The following SPEM3 variants were observed in gnomAD, a reference collection of about 807,000 sequenced individuals.
The protein encoded by SPEM3 is SPEM family member 3, also known as uncharacterized protein SPEM3.
At position 7,428,861 on chromosome 17, in the gene SPEM3, G is replaced by A; in HGVS notation, c.-42G>A. On this transcript the variant is annotated 5_prime_UTR_variant, in exon 1 of 3. In the 5' UTR this introduces an upstream ATG that the reference lacks. Coordinates refer to ENST00000636696, the MANE Select transcript of SPEM3 (RefSeq NM_001364708.1). ...AACAGGAGTCTTGCTCCTAGTGACT[G>A]TGTGAGGGCCGGGGGCCTAGGCAGT... 2.5e-6 allele frequency: 1 copy of A among 398,664 alleles called. No homozygotes were observed. Among genetic ancestry groups the A allele is most frequent in the Non-Finnish European group, 4.4e-6 (1 of 226,088 alleles). The allele number at this position is 398,664 out of a possible 1,614,324, so 24.7% of individuals were successfully genotyped here.
Position 7,431,187 on chromosome 17 carries a change from T to C in SPEM3, c.2016T>C (p.Ser672=). 2.5e-6 allele frequency: 1 copy of C among 398,580 alleles called. No homozygotes were observed. Among genetic ancestry groups the C allele is most frequent in the Non-Finnish European group, 4.4e-6 (1 of 226,096 alleles). 24.7% of individuals were successfully genotyped at this position (398,580 alleles called of 1,614,324 possible). Residue 672 remains serine (S), a synonymous_variant, in exon 3 of 3, where the codon TCT becomes TCC. Coordinates refer to ENST00000636696, the MANE Select transcript of SPEM3 (RefSeq NM_001364708.1). The part of the protein sequence containing the change: ...CHESLGLTQD[S]GLQRTPGPSK... ...AGAGTCTAGGCCTTACCCAAGATTC[T>C]GGCCTTCAAAGGACCCCAGGCCCTT...
chr17:7,431,179 C>T lies in SPEM3; in HGVS notation c.2008C>T (p.Gln670Ter), dbSNP rs1907821236. ...PECHESLGLTQDSGLQRTPGP... is the reference protein window; with the variant it reads ...PECHESLGLT The stretch of plus-strand genomic sequence containing the variant: ...ATGTCATGAGAGTCTAGGCCTTACC[C>T]AAGATTCTGGCCTTCAAAGGACCCC... The change falls in exon 3 of 3, where the codon CAA becomes TAA. Residue 670 changes from glutamine to a stop codon, truncating the protein, a stop_gained. Transcript: ENST00000636696. LOFTEE classifies it low-confidence loss of function (END_TRUNC). 2 of 398,606 alleles carry T rather than the reference C, an allele frequency of 5.0e-6. No homozygotes were observed. Among genetic ancestry groups the T allele is most frequent in the East Asian group, 7.1e-5 (2 of 28,076 alleles). The allele number at this position is 398,606 out of a possible 1,614,324, so 24.7% of individuals were successfully genotyped here. A position where few individuals can be genotyped will look rare whatever the true frequency, so the allele number is the denominator to read the frequency against.
At position 7,431,815 on chromosome 17, in the gene SPEM3, T is replaced by G; in HGVS notation, c.2644T>G (p.Ser882Ala). The change falls in exon 3 of 3, where the codon TCA (serine) becomes GCA (alanine). Residue 882 changes from serine to alanine, a missense_variant. By Grantham distance (99) the Ser-to-Ala change is moderately conservative. Transcript: ENST00000636696. ...CCAAGACTCTGAAGTCAATAAGAGC[T>G]CAGGAGTTATCCAGGAATCTTTTCT... is the stretch of plus-strand genomic sequence containing the variant. ...VPQDSEVNKS[S>A]GVIQESFLHK... 5.0e-6 allele frequency: 2 copies of G among 398,564 alleles called. No homozygotes were observed. The highest frequency in any genetic ancestry group is 8.8e-6 in the Non-Finnish European group (2 of 226,066). The allele number at this position is 398,564 out of a possible 1,614,324, so 24.7% of individuals were successfully genotyped here.
Position 7,429,160 on chromosome 17 carries a change from C to T in SPEM3, c.139-30C>T, listed in dbSNP as rs563059546. On this transcript the variant is annotated intron_variant, in intron 1 of 2. Transcript: ENST00000636696. The surrounding 1 kb of genome is among the most constrained non-coding windows in gnomAD (Gnocchi z 4.9). ...TGGACTTAGGGGCTCACCCTGCTTC[C>T]GGACTCACCTGCCCTCCCACTCCCT... 82 of 398,412 alleles carry T rather than the reference C, an allele frequency of 2.1e-4. No homozygotes were observed. The highest frequency in any genetic ancestry group is 1.6e-3 in the Admixed American group (37 of 22,714). 24.7% of individuals were successfully genotyped at this position (398,412 alleles called of 1,614,324 possible).
At position 7,429,833 on chromosome 17, in the gene SPEM3, C is replaced by A; in HGVS notation, c.662C>A (p.Thr221Asn). The A allele has an allele frequency of 2.5e-6, 1 of 401,796 alleles. No individual in the cohort carries two copies. The highest frequency in any genetic ancestry group is 3.6e-5 in the East Asian group (1 of 28,082). 24.9% of individuals were successfully genotyped at this position (401,796 alleles called of 1,614,324 possible). A position where few individuals can be genotyped will look rare whatever the true frequency, so the allele number is the denominator to read the frequency against. ...VHSPTHTPVC[T>N]PTHPWTRSTD... ...TCCCCAACCCACACTCCTGTGTGCACCCCAACCCACCCCTGGACCCGCTCC... is the reference window on the plus strand; with the variant it reads ...TCCCCAACCCACACTCCTGTGTGCAACCCAACCCACCCCTGGACCCGCTCC... Residue 221 changes from threonine (T) to asparagine (N), a missense_variant, in exon 3 of 3, where the codon ACC (threonine) becomes AAC (asparagine). Physicochemically the swap from Thr to Asn is moderately conservative, Grantham distance 65. Coordinates refer to ENST00000636696, the MANE Select transcript of SPEM3 (RefSeq NM_001364708.1). This position sits in a 1 kb window ranked among gnomAD's most constrained non-coding sequence, Gnocchi z 4.9.
rs1043050032 is a variant in SPEM3 at position 7,430,722 on chromosome 17, G to A, written c.1551G>A (p.Glu517=). Residue 517 remains glutamate, a synonymous_variant, in exon 3 of 3, where the codon GAG becomes GAA. Coordinates refer to ENST00000636696, the MANE Select transcript of SPEM3 (RefSeq NM_001364708.1). The part of the protein sequence containing the change: ...LPAGSILGYL[E]LRNMEWKNSD... ...CAGGATCCATACTGGGCTACCTGGA[G>A]TTGAGGAATATGGAATGGAAGAACT... 11 of 398,550 alleles carry A rather than the reference G, an allele frequency of 2.8e-5. No individual in the cohort carries two copies. Among genetic ancestry groups the A allele is most frequent in the African/African-American group, 2.1e-4 (10 of 48,614 alleles). 24.7% of individuals were successfully genotyped at this position (398,550 alleles called of 1,614,324 possible). A position where few individuals can be genotyped will look rare whatever the true frequency, so the allele number is the denominator to read the frequency against.
chr17:7,430,544 A>C lies in SPEM3; in HGVS notation c.1373A>C (p.Gln458Pro). ...HVVYDARREK[Q>P]NFFHMSSPQN... ...GTCTATGATGCCCGCAGGGAAAAGCAGAATTTCTTCCATATGTCCAGCCCC... is the reference window on the plus strand; with the variant it reads ...GTCTATGATGCCCGCAGGGAAAAGCCGAATTTCTTCCATATGTCCAGCCCC... The change falls in exon 3 of 3, where the codon CAG (glutamine) becomes CCG (proline). Residue 458 changes from glutamine to proline, a missense_variant. Gln to Pro is a moderately conservative substitution (Grantham distance 76). Coordinates refer to ENST00000636696, the MANE Select transcript of SPEM3 (RefSeq NM_001364708.1). 1 of 398,924 alleles carries C rather than the reference A, an allele frequency of 2.5e-6. No individual in the cohort carries two copies. Among genetic ancestry groups the C allele is most frequent in the Non-Finnish European group, 4.4e-6 (1 of 226,306 alleles). 24.7% of individuals were successfully genotyped at this position (398,924 alleles called of 1,614,324 possible).
rs1029085911 is a variant in SPEM3 at position 7,428,871 on chromosome 17, C to G, written c.-32C>G. ...TTGCTCCTAGTGACTGTGTGAGGGCCGGGGGCCTAGGCAGTCCTGGGACCC... is the reference window on the plus strand; with the variant it reads ...TTGCTCCTAGTGACTGTGTGAGGGCGGGGGGCCTAGGCAGTCCTGGGACCC... On this transcript the variant is annotated 5_prime_UTR_variant, in exon 1 of 3. Coordinates refer to ENST00000636696, the MANE Select transcript of SPEM3 (RefSeq NM_001364708.1). 2 of 398,494 alleles carry G rather than the reference C, an allele frequency of 5.0e-6. No individual in the cohort carries two copies. Among genetic ancestry groups the G allele is most frequent in the Admixed American group, 4.4e-5 (1 of 22,722 alleles). The allele number at this position is 398,494 out of a possible 1,614,324, so 24.7% of individuals were successfully genotyped here. A position where few individuals can be genotyped will look rare whatever the true frequency, so the allele number is the denominator to read the frequency against.
Position 7,430,282 on chromosome 17 carries a change from G to A in SPEM3, c.1111G>A (p.Val371Ile). The A allele has an allele frequency of 2.4e-6, 1 of 410,864 alleles. No individual in the cohort carries two copies. The highest frequency in any genetic ancestry group is 8.9e-5 in the South Asian group (1 of 11,192). 25.5% of individuals were successfully genotyped at this position (410,864 alleles called of 1,614,324 possible). A position where few individuals can be genotyped will look rare whatever the true frequency, so the allele number is the denominator to read the frequency against. The change falls in exon 3 of 3, where the codon GTC becomes ATC. Residue 371 changes from valine (V) to isoleucine (I), a missense_variant. Val to Ile is a conservative substitution (Grantham distance 29). Coordinates refer to ENST00000636696, the MANE Select transcript of SPEM3 (RefSeq NM_001364708.1). ...HSHLVRSSVP[V>I]PTSAPAPPGT... ...TCATCTAGTCCGCAGCTCCGTTCCT[G>A]TCCCAACCTCTGCCCCAGCTCCTCC...
chr17:7,430,228 C>T lies in SPEM3; in HGVS notation c.1057C>T (p.His353Tyr). ...CCATGCCCCTGAGTACACCTCAGCC[C>T]ATGCCCCAGCGTATATCCCAGACCA... ...QAHAPEYTSA[H>Y]APAYIPDHSH... The change falls in exon 3 of 3, where the codon CAT (histidine) becomes TAT (tyrosine). Residue 353 changes from histidine (H) to tyrosine (Y), a missense_variant. Physicochemically the swap from His to Tyr is moderately conservative, Grantham distance 83. Coordinates refer to ENST00000636696, the MANE Select transcript of SPEM3 (RefSeq NM_001364708.1). The T allele has an allele frequency of 2.4e-6, 1 of 412,800 alleles. No individual in the cohort carries two copies. The allele number at this position is 412,800 out of a possible 1,614,324, so 25.6% of individuals were successfully genotyped here.
chr17:7,430,238 C>T lies in SPEM3; in HGVS notation c.1067C>T (p.Ala356Val), dbSNP rs1907786602. 4 of 411,168 alleles carry T rather than the reference C, an allele frequency of 9.7e-6. No individual in the cohort carries two copies. The highest frequency in any genetic ancestry group is 1.8e-4 in the South Asian group (2 of 11,272). 25.5% of individuals were successfully genotyped at this position (411,168 alleles called of 1,614,324 possible). The change falls in exon 3 of 3, where the codon GCG becomes GTG. Residue 356 changes from alanine (A) to valine (V), a missense_variant. By Grantham distance (64) the Ala-to-Val change is moderately conservative (BLOSUM62 0). Transcript: ENST00000636696. ...APEYTSAHAP[A>V]YIPDHSHLVR... is the part of the protein sequence containing the mutation. ...GAGTACACCTCAGCCCATGCCCCAGCGTATATCCCAGACCACTCTCATCTA... is the reference window on the plus strand; with the variant it reads ...GAGTACACCTCAGCCCATGCCCCAGTGTATATCCCAGACCACTCTCATCTA...
rs1172072948 is a variant in SPEM3, at chr17:7,429,048, C to A, written c.138+8C>A. ...ATCAATGTGGTGACTCTGGTCAGGG[C>A]AGGATCTGGGTAGCAGGGTTGGGGG... On this transcript the variant is annotated splice_region_variant and intron_variant, in intron 1 of 2. Coordinates refer to ENST00000636696, the MANE Select transcript of SPEM3 (RefSeq NM_001364708.1). The surrounding 1 kb of genome is among the most constrained non-coding windows in gnomAD (Gnocchi z 4.9). 5 of 398,818 alleles carry A rather than the reference C, an allele frequency of 1.3e-5. No individual in the cohort carries two copies. Among genetic ancestry groups the A allele is most frequent in the Non-Finnish European group, 2.2e-5 (5 of 226,222 alleles). The allele number at this position is 398,818 out of a possible 1,614,324, so 24.7% of individuals were successfully genotyped here.
Position 7,428,949 on chromosome 17 carries a change from AC to A in SPEM3, c.51del (p.Arg18GlyfsTer6). 1 of 398,830 alleles carries A rather than the reference AC, an allele frequency of 2.5e-6. No homozygotes were observed. The highest frequency in any genetic ancestry group is 4.4e-6 in the Non-Finnish European group (1 of 226,110). 24.7% of individuals were successfully genotyped at this position (398,830 alleles called of 1,614,324 possible). A position where few individuals can be genotyped will look rare whatever the true frequency, so the allele number is the denominator to read the frequency against. The stretch of plus-strand genomic sequence containing the variant: ...GGGGCCCAGGTGTGCTCTGGCACCA[AC>A]CCCAGGAAGTGCCAGGACTTAGGAG... ...YHGAQVCSGT[N>X]PRKCQDLGDS... On this transcript the variant is annotated frameshift_variant, in exon 1 of 3. Transcript: ENST00000636696. LOFTEE classifies it high-confidence loss of function.
Position 7,430,148 on chromosome 17 carries a change from C to A in SPEM3, c.977C>A (p.Thr326Asn). The stretch of plus-strand genomic sequence containing the variant: ...TCCCAGGCCCACAGCCCTGAACACA[C>A]CTCAGCCCACTCCCCAGCCCAGGCT... ...THSQAHSPEH[T>N]SAHSPAQAPM... Residue 326 changes from threonine (T) to asparagine (N), a missense_variant, in exon 3 of 3, where the codon ACC (threonine) becomes AAC (asparagine). Transcript: ENST00000636696. 1 of 420,860 alleles carries A rather than the reference C, an allele frequency of 2.4e-6. No homozygotes were observed. 26.1% of individuals were successfully genotyped at this position (420,860 alleles called of 1,614,324 possible).
chr17:7,431,084 C>T lies in SPEM3; in HGVS notation c.1913C>T (p.Thr638Ile). Reference sequence around the variant, plus strand: ...TCCAAGTCTCCTCAGTCCATCCTCACTTCCCAATTCCCCATCCCTTCCCTG... The same window carrying T: ...TCCAAGTCTCCTCAGTCCATCCTCATTTCCCAATTCCCCATCCCTTCCCTG... The part of the protein sequence containing the change: ...PTSKSPQSIL[T>I]SQFPIPSLFA... The change falls in exon 3 of 3, where the codon ACT becomes ATT. Residue 638 changes from threonine (T) to isoleucine (I), a missense_variant. Coordinates refer to ENST00000636696, the MANE Select transcript of SPEM3 (RefSeq NM_001364708.1). 1 of 398,952 alleles carries T rather than the reference C, an allele frequency of 2.5e-6. No homozygotes were observed. The highest frequency in any genetic ancestry group is 4.4e-6 in the Non-Finnish European group (1 of 226,290). The allele number at this position is 398,952 out of a possible 1,614,324, so 24.7% of individuals were successfully genotyped here.
rs1287618223 is a variant in SPEM3, at chr17:7,428,992, T to G, written c.90T>G (p.Leu30=). ...ACTTAGGAGACTCGATTCTTCTTCT[T>G]CTGGGCAGCTTCATCTTGCTCAACG... ...CQDLGDSILL[L]LGSFILLNVW... Residue 30 remains leucine (L), a synonymous_variant, in exon 1 of 3, where the codon CTT becomes CTG. Transcript: ENST00000636696. The G allele has an allele frequency of 2.5e-6, 1 of 398,910 alleles. No homozygotes were observed. Among genetic ancestry groups the G allele is most frequent in the East Asian group, 3.6e-5 (1 of 28,092 alleles). 24.7% of individuals were successfully genotyped at this position (398,910 alleles called of 1,614,324 possible). A position where few individuals can be genotyped will look rare whatever the true frequency, so the allele number is the denominator to read the frequency against.
At position 7,430,224 on chromosome 17, in the gene SPEM3, A is replaced by G. The variant is rs1907785444; in HGVS notation, c.1053A>G (p.Ser351=). 2.4e-6 allele frequency: 1 copy of G among 410,672 alleles called. No individual in the cohort carries two copies. Among genetic ancestry groups the G allele is most frequent in the East Asian group, 3.6e-5 (1 of 28,110 alleles). 25.4% of individuals were successfully genotyped at this position (410,672 alleles called of 1,614,324 possible). A position where few individuals can be genotyped will look rare whatever the true frequency, so the allele number is the denominator to read the frequency against. The part of the protein sequence containing the change: ...HPQAHAPEYT[S]AHAPAYIPDH... ...AGGCCCATGCCCCTGAGTACACCTC[A>G]GCCCATGCCCCAGCGTATATCCCAG... is the stretch of plus-strand genomic sequence containing the variant. The change falls in exon 3 of 3, where the codon TCA becomes TCG. Residue 351 remains serine (S), a synonymous_variant. Transcript: ENST00000636696.
rs567004295 is a variant in SPEM3, at chr17:7,429,571, G to A, written c.400G>A (p.Gly134Ser). Residue 134 changes from glycine (G) to serine (S), a missense_variant, in exon 3 of 3, where the codon GGC becomes AGC. Physicochemically the swap from Gly to Ser is moderately conservative, Grantham distance 56. Coordinates refer to ENST00000636696, the MANE Select transcript of SPEM3 (RefSeq NM_001364708.1). This position sits in a 1 kb window ranked among gnomAD's most constrained non-coding sequence, Gnocchi z 4.9. ...CCVPPKCGHA[G>S]VPRESARGLY... The stretch of plus-strand genomic sequence containing the variant: ...CGTGCCCCCTAAATGTGGACATGCC[G>A]GCGTTCCCAGGGAGTCTGCACGGGG... 18 of 398,542 alleles carry A rather than the reference G, an allele frequency of 4.5e-5. No homozygotes were observed. Among genetic ancestry groups the A allele is most frequent in the Middle Eastern group, 6.2e-4 (1 of 1,610 alleles). The allele number at this position is 398,542 out of a possible 1,614,324, so 24.7% of individuals were successfully genotyped here.
In SPEM3 at chr17:7,429,079, T is replaced by C. The variant is rs1054372299; in HGVS notation, c.138+39T>C. The C allele has an allele frequency of 1.0e-5, 4 of 398,996 alleles. No individual in the cohort carries two copies. The highest frequency in any genetic ancestry group is 1.8e-5 in the Non-Finnish European group (4 of 226,224). The allele number at this position is 398,996 out of a possible 1,614,324, so 24.7% of individuals were successfully genotyped here. ...CTGGGTAGCAGGGTTGGGGGAGCCC[T>C]GGGGTCTTGAAGGGGCTGAGGTGGG... On this transcript the variant is annotated intron_variant, in intron 1 of 2. Coordinates refer to ENST00000636696, the MANE Select transcript of SPEM3 (RefSeq NM_001364708.1). The surrounding 1 kb of genome is among the most constrained non-coding windows in gnomAD (Gnocchi z 4.9).
Sources: gnomAD v4.1 joint callset for allele counts on GRCh38, gnomAD v4.1.1 for gene constraint, Gnocchi (gnomAD v3.1) non-coding constraint, MANE v1.5 for transcripts, NCBI Gene and HGNC (gene_info 2026-07-23, HGNC 2026-07-21) for gene names.